The following MALRD1 variants were observed in gnomAD, a reference collection of about 807,000 sequenced individuals.
The protein encoded by MALRD1 is MAM and LDL receptor class A domain containing 1, also known as MAM and LDL-receptor class A domain-containing protein 1.
Under a neutral mutation model 242.1 loss-of-function variants are expected in MALRD1, and 247 were observed. That is an observed-to-expected ratio of 1.02 (90% CI 0.92 to 1.13). MALRD1 has a LOEUF of 1.13. Ranked by LOEUF, MALRD1 falls within the 50% of genes most tolerant of loss-of-function variation. The probability of loss-of-function intolerance (pLI) is 0.00; values close to 1 mark genes in which losing one functional copy is unlikely to be tolerated. For synonymous variants in MALRD1, 995 were observed against 866.6 expected (o/e 1.15, Z -2.60); for missense variants, 2,989 against 2,533.1 (o/e 1.18, Z -3.86).
intron 36 of MALRD1, among the ~76,000 whole-genome samples, chr10:19,677,918 A>G (rs907112940): frequency 6.6e-6 from 1 of 152,204 alleles, no homozygotes; most frequent in Non-Finnish European, 1.5e-5. Flanking sequence ...CATTTATTAA[A>G]TAGGGAATCC....
chr10:19,635,349 G>A (rs1840080669), intron 36 of MALRD1, among the ~76,000 whole-genome samples: 1 of 152,152 alleles, frequency 6.6e-6, no homozygotes, highest in Non-Finnish European at 1.5e-5. Context: ...GTTTATGTAA[G>A]TGTGTTTATG....
chr10:19,595,220 T>G lies in MALRD1; in HGVS notation c.5707T>G (p.Cys1903Gly). ...TCCTGTCCCAGTGCAGCCATCACCC[T>G]GTGAAGCTGATCAGTTTTCTTGTAT... ...GGPVPVQPSP[C>G]EADQFSCIYT... Residue 1903 changes from cysteine to glycine, a missense_variant, in exon 34 of 40, where the codon TGT (cysteine) becomes GGT (glycine). Coordinates refer to ENST00000454679, the MANE Select transcript of MALRD1 (RefSeq NM_001142308.3). The G allele has an allele frequency of 6.5e-7, 1 of 1,550,332 alleles. No homozygotes were observed. The highest frequency in any genetic ancestry group is 8.7e-7 in the Non-Finnish European group (1 of 1,146,806).
chr10:19,677,317 A>C (rs899930717), intron 36 of MALRD1, among the ~76,000 whole-genome samples: 4 of 152,050 alleles, frequency 2.6e-5, no homozygotes, highest in Non-Finnish European at 5.9e-5. Flanking sequence ...CCAGTCTCAC[A>C]GCATCTGTAG....
chr10:19,546,032 C>A (rs759583204), intron 32 of MALRD1, among the ~76,000 whole-genome samples: 1 of 152,192 alleles, frequency 6.6e-6, no homozygotes, highest in Admixed American at 6.5e-5. Context: ...AATTATATTT[C>A]TTTCTTTATT....
At chr10:19,165,242 A>AATATATAT (rs57449195) in intron 12 of MALRD1, among the ~76,000 whole-genome samples, 2,354 of 69,680 alleles carry the variant, frequency 0.034, 213 homozygotes, top group Middle Eastern at 0.049. Flanking sequence ...AGTTGTTTGG[A>AATATATAT]ATATATATAT....
At chr10:19,204,790 T>C in intron 16 of MALRD1, 108 bp from the exon 17 acceptor site, 2 of 1,181,786 alleles carry the variant, frequency 1.7e-6, no homozygotes, top group Non-Finnish European at 1.2e-6. Context: ...AAAAGCGTCT[T>C]ATGATAACTC....
chr10:19,150,668 C>T (rs1277233968), intron 11 of MALRD1, among the ~76,000 whole-genome samples: 2 of 152,200 alleles, frequency 1.3e-5, no homozygotes, highest in Non-Finnish European at 2.9e-5. Flanking sequence ...TGATCTATCA[C>T]TATCTTACAT....
At chr10:19,154,708 T>A (rs1253752369) in intron 11 of MALRD1, among the ~76,000 whole-genome samples, 1 of 152,166 alleles carries the variant, frequency 6.6e-6, no homozygotes, top group Non-Finnish European at 1.5e-5. Flanking sequence ...CGGTACTTTG[T>A]GAAGAAACTA....
intron 28 of MALRD1, among the ~76,000 whole-genome samples, chr10:19,414,187 T>G (rs1186010487): frequency 6.6e-6 from 1 of 152,176 alleles, no homozygotes; most frequent in East Asian, 1.9e-4. Context: ...GGATAAATAA[T>G]TCCTACATAT....
At chr10:19,343,009 A>T (rs1236529114) in intron 24 of MALRD1, among the ~76,000 whole-genome samples, 2 of 152,142 alleles carry the variant, frequency 1.3e-5, no homozygotes, top group Non-Finnish European at 2.9e-5. Flanking sequence ...GAATTTTCAA[A>T]AGGTTGATGC....
At chr10:19,376,338 C>T (rs981041011) in intron 26 of MALRD1, among the ~76,000 whole-genome samples, 1 of 151,992 alleles carries the variant, frequency 6.6e-6, no homozygotes, top group African/African-American at 2.4e-5. Context: ...CACTTGAGTT[C>T]CTGCTTCTCT....
chr10:19,147,761 T>C (rs1833774156), intron 11 of MALRD1, among the ~76,000 whole-genome samples: 1 of 152,114 alleles, frequency 6.6e-6, no homozygotes, highest in Non-Finnish European at 1.5e-5. Flanking sequence ...TCGAGATGCC[T>C]TGTTGAAGGA....
intron 2 of MALRD1, among the ~76,000 whole-genome samples, chr10:19,081,103 A>T (rs1020935985): frequency 1.3e-5 from 2 of 152,134 alleles, no homozygotes; most frequent in African/African-American, 2.4e-5. Flanking sequence ...ATTATTAAAA[A>T]GTCAGGAAAC....
At chr10:19,717,610 A>G (rs1378071824) in intron 38 of MALRD1, among the ~76,000 whole-genome samples, 3 of 152,194 alleles carry the variant, frequency 2.0e-5, no homozygotes, top group Non-Finnish European at 4.4e-5. Flanking sequence ...TGCGAAAATT[A>G]GTTTTGAATT....
At chr10:19,196,522 G>C (rs1836258155) in intron 14 of MALRD1, among the ~76,000 whole-genome samples, 1 of 139,860 alleles carries the variant, frequency 7.2e-6, no homozygotes, top group Non-Finnish European at 1.5e-5. Flanking sequence ...TCATGGCATG[G>C]GGCACCACTC....
rs144728737 is a variant in MALRD1 at position 19,562,345 on chromosome 10, T to A, written c.5479-5157T>A. Reference sequence around the variant, plus strand: ...GATAGATAGATAGATAGATAGATAGTTAGATAGATAGATATCTAGATAGAT... The same window carrying A: ...GATAGATAGATAGATAGATAGATAGATAGATAGATAGATATCTAGATAGAT... On this transcript the variant is annotated intron_variant, in intron 32 of 39. Transcript: ENST00000454679. Among the ~76,000 whole-genome samples the A allele has an allele frequency of 3.9e-3, 325 of 82,756 alleles. 1 individual carries two copies. Among genetic ancestry groups the A allele is most frequent in the East Asian group, 9.4e-3 (21 of 2,244 alleles). The allele number at this position is 82,756 out of a possible 152,430, so 54.3% of individuals were successfully genotyped here.
chr10:19,422,792 G>C (rs1403043313), intron 28 of MALRD1, among the ~76,000 whole-genome samples: 1 of 152,068 alleles, frequency 6.6e-6, no homozygotes. Flanking sequence ...TCACTAATTA[G>C]GCTGGAAATT....
In MALRD1 at chr10:19,209,396, A is replaced by G. The variant is rs976265224; in HGVS notation, c.2707A>G (p.Thr903Ala). The G allele has an allele frequency of 3.9e-6, 6 of 1,550,952 alleles. No individual in the cohort carries two copies. The highest frequency in any genetic ancestry group is 1.4e-5 in the African/African-American group (1 of 73,130). The change falls in exon 18 of 40, where the codon ACT (threonine) becomes GCT (alanine). Residue 903 changes from threonine to alanine, a missense_variant. Coordinates refer to ENST00000454679, the MANE Select transcript of MALRD1 (RefSeq NM_001142308.3). ...TAACACAGGGCCAATGAAAGATAAC[A>G]CTCTGGGCACAGCTAAAGGACACTA... Reference protein sequence around the residue: ...TLNTGPMKDNTLGTAKGHYLY... With the variant: ...TLNTGPMKDNALGTAKGHYLY...
intron 4 of MALRD1, among the ~76,000 whole-genome samples, chr10:19,096,720 A>G (rs1446397843): frequency 6.6e-6 from 1 of 152,240 alleles, no homozygotes; most frequent in Non-Finnish European, 1.5e-5. Flanking sequence ...TCAAGAACTT[A>G]CAAGCCTCTC....
Sources: allele counts gnomAD v4.1 joint callset (sites outside exome capture counted in the v4.1 genomes callset), GRCh38; gene constraint gnomAD v4.1.1; transcripts MANE v1.5; gene names NCBI Gene and HGNC (gene_info 2026-07-23, HGNC 2026-07-21).